Variants in SLC29A2 observed in about 807,000 individuals in gnomAD.
The protein encoded by SLC29A2 is equilibrative nucleoside transporter 2.
In SLC29A2, 37 loss-of-function variants were observed where a neutral mutation model predicts 48.8. The ratio of observed to expected loss-of-function variants is 0.76; its 90% CI spans 0.58 to 1.00. SLC29A2 has a LOEUF of 1.00. Among genes scored for constraint, SLC29A2 ranks in the 50% least tolerant of loss-of-function variants. The pLI is 0.00. For missense variants in SLC29A2, 533 were observed against 578.6 expected, an observed-to-expected ratio of 0.92 and a Z score of 0.81; for synonymous variants, 233 against 261.7, an observed-to-expected ratio of 0.89 and a Z score of 1.06.
chr11:66,364,729 ACTTCTGACCTCGAGTGTTC>A (rs1855572671), intron 10 of SLC29A2: 1 of 276,418 alleles, frequency 3.6e-6, no homozygotes, highest in Non-Finnish European at 7.0e-6. Context: ...CTGGTCTCGA[ACTTCTGACCTCGAGTGTTC>A]CACCTGCCTC....
Position 66,367,555 on chromosome 11 carries a change from A to G in SLC29A2, c.649-7T>C, listed in dbSNP as rs375336288. The G allele has an allele frequency of 2.0e-5, 33 of 1,613,818 alleles. No homozygotes were observed. The African/African-American group carries it at 2.4e-4, about 12-fold the overall frequency. On this transcript the variant is annotated splice_polypyrimidine_tract_variant and splice_region_variant and intron_variant, in intron 6 of 11. Coordinates refer to ENST00000357440, the MANE Select transcript of SLC29A2 (RefSeq NM_001532.3). The stretch of plus-strand genomic sequence containing the variant: ...GGTAGTAGCGGGCAAACTTCTGCAG[A>G]AGGACAGGAAAGTGTTGGGCCTGCC...
In SLC29A2 at chr11:66,371,760, C is replaced by G. The variant is rs975117544; in HGVS notation, c.-169G>C. 1.7e-5 allele frequency: 11 copies of G among 647,418 alleles called. No homozygotes were observed. Among genetic ancestry groups the G allele is most frequent in the Non-Finnish European group, 2.6e-5 (10 of 383,248 alleles). 40.1% of individuals were successfully genotyped at this position (647,418 alleles called of 1,614,324 possible). A position where few individuals can be genotyped will look rare whatever the true frequency, so the allele number is the denominator to read the frequency against. On this transcript the variant is annotated 5_prime_UTR_variant, in exon 1 of 12. Transcript: ENST00000357440. Reference sequence around the variant, plus strand: ...GCCTCGGGCGGATTTCGGCGTGTCTCGCGCTCCGCAGGCTGGGACCTGGGC... The same window carrying G: ...GCCTCGGGCGGATTTCGGCGTGTCTGGCGCTCCGCAGGCTGGGACCTGGGC...
At chr11:66,371,130 CAACGAGGGGTCA>C in intron 2 of SLC29A2, 102 bp downstream of exon 2, 1 of 900,568 alleles carries the variant, frequency 1.1e-6, no homozygotes, top group Non-Finnish European at 1.8e-6. Flanking sequence ...ATAATGAGCT[CAACGAGGGGTCA>C]CAGGTGCGCG....
chr11:66,364,197 C>T (rs1172573816), intron 11 of SLC29A2, 28 bp downstream of exon 11: 1 of 1,522,294 alleles, frequency 6.6e-7, no homozygotes, highest in Non-Finnish European at 9.0e-7. Flanking sequence ...CTACTCCCAG[C>T]CCCCCACCCC....
intron 4 of SLC29A2, 74 bp downstream of exon 4, chr11:66,368,986 G>T: frequency 6.6e-7 from 1 of 1,521,542 alleles, no homozygotes; most frequent in Non-Finnish European, 8.9e-7. Flanking sequence ...TCTCGGATAT[G>T]CTGGGCCCTT....
intron 2 of SLC29A2, 103 bp from the exon 3 acceptor site, chr11:66,369,635 G>A (rs1179589629): frequency 7.3e-7 from 1 of 1,361,460 alleles, no homozygotes; most frequent in Non-Finnish European, 1.0e-6. Flanking sequence ...GGACTTGTCT[G>A]CCTTGTCCTT....
chr11:66,369,106 G>A lies in SLC29A2; in HGVS notation c.369C>T (p.Pro123=), dbSNP rs372019230. The A allele has an allele frequency of 1.8e-5, 28 of 1,595,736 alleles. No homozygotes were observed. Among genetic ancestry groups the A allele is most frequent in the Middle Eastern group, 1.7e-4 (1 of 6,030 alleles). Reference sequence around the variant, plus strand: ...CCATGGTGATGGAGAAGAAGGGTCCGGGGCTCATGTCCACCTTGACCAGCG... The same window carrying A: ...CCATGGTGATGGAGAAGAAGGGTCCAGGGCTCATGTCCACCTTGACCAGCG... ...TAALVKVDMS[P]GPFFSITMAS... The change falls in exon 4 of 12, where the codon CCC becomes CCT. Residue 123 remains proline (P), a synonymous_variant. Coordinates refer to ENST00000357440, the MANE Select transcript of SLC29A2 (RefSeq NM_001532.3).
chr11:66,368,726 C>T, intron 4 of SLC29A2, 55 bp from the exon 5 acceptor site: 2 of 1,565,176 alleles, frequency 1.3e-6, no homozygotes, highest in Non-Finnish European at 1.7e-6. Flanking sequence ...TCAGAGGCTC[C>T]CTGGAGGAGG....
At chr11:66,368,783 G>A in intron 4 of SLC29A2, 112 bp from the exon 5 acceptor site, 1 of 1,425,028 alleles carries the variant, frequency 7.0e-7, no homozygotes. Flanking sequence ...GCGCAGGTGT[G>A]AGCTTCCCTA....
intron 10 of SLC29A2, 53 bp from the exon 11 acceptor site, chr11:66,364,477 G>T: frequency 1.5e-6 from 2 of 1,367,036 alleles, no homozygotes; most frequent in Non-Finnish European, 2.1e-6. Context: ...CTCTGCTCCA[G>T]GGCATCTCAG....
chr11:66,368,051 TCA>T (rs1855812381), intron 5 of SLC29A2, among the ~76,000 whole-genome samples, 182 bp from the exon 6 acceptor site: 1 of 152,190 alleles, frequency 6.6e-6, no homozygotes, highest in South Asian at 2.1e-4. Flanking sequence ...TGCACTTCTC[TCA>T]CTTTCCCCAT....
chr11:66,368,515 C>A, intron 5 of SLC29A2, 22 bp downstream of exon 5: 1 of 1,613,294 alleles, frequency 6.2e-7, no homozygotes, highest in Non-Finnish European at 8.5e-7. Flanking sequence ...CCCCAGCCCT[C>A]CAGCCACCCA....
At position 66,366,483 on chromosome 11, in the gene SLC29A2, G is replaced by C. The variant is rs1302981251; in HGVS notation, c.815C>G (p.Pro272Arg). 1.9e-6 allele frequency: 3 copies of C among 1,614,146 alleles called. No individual in the cohort carries two copies. The Admixed American group carries it at 5.0e-5, about 27-fold the overall frequency. ...TTTTCCTGGCTTCTGGGGCTCATCT[G>C]GCTCTGATTCCGGCTCCTTCTCCAG... ...LDLEKEPESEPDEPQKPGKPS... is the reference protein window; with the variant it reads ...LDLEKEPESERDEPQKPGKPS... The change falls in exon 8 of 12, where the codon CCA becomes CGA. Residue 272 changes from proline to arginine, a missense_variant. Coordinates refer to ENST00000357440, the MANE Select transcript of SLC29A2 (RefSeq NM_001532.3).
At chr11:66,367,996 C>A in intron 5 of SLC29A2, 127 bp from the exon 6 acceptor site, 1 of 745,176 alleles carries the variant, frequency 1.3e-6, no homozygotes, top group Non-Finnish European at 2.4e-6. Context: ...CCGCTCCTCC[C>A]TTCACTGACA....
At position 66,371,729 on chromosome 11, in the gene SLC29A2, CAGGT is replaced by C; in HGVS notation, c.-142_-139del. 8.7e-6 allele frequency: 7 copies of C among 802,668 alleles called. No individual in the cohort carries two copies. In the South Asian group the frequency reaches 1.2e-4, roughly 14 times the overall value. The allele number at this position is 802,668 out of a possible 1,614,324, so 49.7% of individuals were successfully genotyped here. A position where few individuals can be genotyped will look rare whatever the true frequency, so the allele number is the denominator to read the frequency against. On this transcript the variant is annotated 5_prime_UTR_variant, in exon 1 of 12. Transcript: ENST00000357440. ...CCGGTGCAGGGCGGCTGGAGTCGCACAGGTAGCCTCGGGCGGATTTCGGCGTGTC... is the reference window on the plus strand; with the variant it reads ...CCGGTGCAGGGCGGCTGGAGTCGCACAGCCTCGGGCGGATTTCGGCGTGTC...
rs765737939 is a variant in SLC29A2, at chr11:66,371,587, G to T, written c.5C>A (p.Ala2Glu). The T allele has an allele frequency of 1.3e-6, 2 of 1,548,792 alleles. No individual in the cohort carries two copies. The highest frequency in any genetic ancestry group is 1.7e-6 in the Non-Finnish European group (2 of 1,149,532). The change falls in exon 1 of 12, where the codon GCG becomes GAG. Residue 2 changes from alanine to glutamate, a missense_variant. Transcript: ENST00000357440. ...CCTGTCCCGCGGGGCGTCTCCTCGCGCCATGGCCGCCGCGGCGGATGCGCC... is the reference window on the plus strand; with the variant it reads ...CCTGTCCCGCGGGGCGTCTCCTCGCTCCATGGCCGCCGCGGCGGATGCGCC... M[A>E]RGDAPRDSYH... is the part of the protein sequence containing the mutation.
At chr11:66,365,572 A>G (rs1256563935) in intron 10 of SLC29A2, among the ~76,000 whole-genome samples, 3 of 152,188 alleles carry the variant, frequency 2.0e-5, no homozygotes, top group Non-Finnish European at 1.5e-5. Context: ...CACCTGCGTT[A>G]TGTATTGTCT....
chr11:66,367,334 A>C (rs1855757125), intron 7 of SLC29A2, 130 bp downstream of exon 7: 4 of 805,330 alleles, frequency 5.0e-6, no homozygotes, highest in Non-Finnish European at 8.8e-6. Flanking sequence ...ACTTCCCTTC[A>C]TGATCTTCCT....
At chr11:66,368,189 C>T (rs1376742350) in intron 5 of SLC29A2, among the ~76,000 whole-genome samples, 5 of 152,168 alleles carry the variant, frequency 3.3e-5, no homozygotes, top group Admixed American at 3.3e-4. Flanking sequence ...GGTGACAAGC[C>T]TTGTCCAACA....
Sources: allele counts gnomAD v4.1 joint callset (sites outside exome capture counted in the v4.1 genomes callset), GRCh38; gene constraint gnomAD v4.1.1; transcripts MANE v1.5; gene names NCBI Gene and HGNC (gene_info 2026-07-23, HGNC 2026-07-21).